The following TET3 variants were observed in gnomAD, a reference collection of about 807,000 sequenced individuals.
TET3 encodes tet methylcytosine dioxygenase 3.
In TET3, 19 loss-of-function variants were observed where a neutral mutation model predicts 141.4. That is an observed-to-expected ratio of 0.13 (90% CI 0.09 to 0.20). The LOEUF (loss-of-function observed/expected upper bound fraction) is 0.20. Among genes scored for constraint, TET3 ranks in the 10% least tolerant of loss-of-function variants. The pLI, the probability that TET3 is intolerant of heterozygous loss-of-function variation, is 1.00. For missense variants in TET3, 1,874 were observed against 2,356.9 expected, an observed-to-expected ratio of 0.80 and a Z score of 4.24; for synonymous variants, 1,043 against 980.9, an observed-to-expected ratio of 1.06 and a Z score of -1.18.
intron 4 of TET3, among the ~76,000 whole-genome samples, chr2:74,051,094 G>C (rs1392449017): frequency 1.3e-5 from 2 of 152,202 alleles, no homozygotes; most frequent in Non-Finnish European, 1.5e-5. Context: ...GAGGCAGAAA[G>C]GCTTTCCAGA....
intron 5 of TET3, among the ~76,000 whole-genome samples, chr2:74,076,170 T>A (rs1340836604): frequency 2.0e-5 from 3 of 152,116 alleles, no homozygotes; most frequent in East Asian, 1.9e-4. Context: ...TTTTTTTTTT[T>A]ACCCCCTGAT....
chr2:73,996,289 GAGGTATTGGA>G (rs1684592896), intron 2 of TET3, among the ~76,000 whole-genome samples: 1 of 152,144 alleles, frequency 6.6e-6, no homozygotes, highest in African/African-American at 2.4e-5. Flanking sequence ...AGGAAGAGAG[GAGGTATTGGA>G]AAGGAAAGAG....
At chr2:74,049,540 A>G (rs1687827625) in intron 4 of TET3, among the ~76,000 whole-genome samples, 1 of 152,098 alleles carries the variant, frequency 6.6e-6, no homozygotes, top group African/African-American at 2.4e-5. Flanking sequence ...TCTGTAAAAG[A>G]TATGTGTGTT....
chr2:74,015,440 C>T (rs980191706), intron 3 of TET3, among the ~76,000 whole-genome samples: 1 of 152,204 alleles, frequency 6.6e-6, no homozygotes, highest in Non-Finnish European at 1.5e-5. Context: ...TCTTTCCAGA[C>T]TTAAAAATGA....
At chr2:74,051,720 T>G (rs1427568695) in intron 4 of TET3, among the ~76,000 whole-genome samples, 2 of 152,162 alleles carry the variant, frequency 1.3e-5, no homozygotes, top group African/African-American at 4.8e-5. Context: ...CTCTATGAGG[T>G]AAATACTGTC....
In TET3 at chr2:74,048,160, C is replaced by T. The variant is rs1211568646; in HGVS notation, c.2243C>T (p.Pro748Leu). 1.2e-6 allele frequency: 2 copies of T among 1,612,504 alleles called. No homozygotes were observed. The highest frequency in any genetic ancestry group is 1.7e-5 in the Admixed American group (1 of 59,838). Reference protein sequence around the residue: ...QQTCLPAPESPFATRSPKQIK... With the variant: ...QQTCLPAPESLFATRSPKQIK... ...ACATGTCTCCCAGCCCCTGAGAGCCCCTTTGCTACCCGTTCCCCCAAGCAA... is the reference window on the plus strand; with the variant it reads ...ACATGTCTCCCAGCCCCTGAGAGCCTCTTTGCTACCCGTTCCCCCAAGCAA... Residue 748 changes from proline (P) to leucine (L), a missense_variant, in exon 4 of 12, where the codon CCC (proline) becomes CTC (leucine). Around this residue, in one of 10 missense-constraint regions of TET3, gnomAD observed 6 missense variants for 16.4 expected, o/e 0.37. Coordinates refer to ENST00000409262, the MANE Select transcript of TET3 (RefSeq NM_001287491.2).
intron 4 of TET3, among the ~76,000 whole-genome samples, chr2:74,071,330 T>C (rs191186775): frequency 6.6e-6 from 1 of 152,374 alleles, no homozygotes; most frequent in African/African-American, 2.4e-5. Context: ...CACAGCAGGC[T>C]GTCTACAGCT....
chr2:74,026,207 G>C (rs576392309), intron 3 of TET3, among the ~76,000 whole-genome samples: 33 of 152,258 alleles, frequency 2.2e-4, no homozygotes, highest in Non-Finnish European at 4.4e-4. Flanking sequence ...CCATCGCTGG[G>C]GGGAGAGAGG....
Position 74,093,686 on chromosome 2 carries a change from T to G in TET3, c.3267+20T>G. The stretch of plus-strand genomic sequence containing the variant: ...ACCGTGGTAAGCCTGTGCCCTGTCA[T>G]AGCCCCACCTGTGGGGCAACTGTGG... On this transcript the variant is annotated intron_variant, in intron 10 of 11. Coordinates refer to ENST00000409262, the MANE Select transcript of TET3 (RefSeq NM_001287491.2). This position sits in a 1 kb window ranked among gnomAD's most constrained non-coding sequence, Gnocchi z 4.2. 1 of 1,558,382 alleles carries G rather than the reference T, an allele frequency of 6.4e-7. No individual in the cohort carries two copies. Among genetic ancestry groups the G allele is most frequent in the Non-Finnish European group, 8.7e-7 (1 of 1,146,208 alleles).
intron 6 of TET3, among the ~76,000 whole-genome samples, chr2:74,081,448 C>T (rs1689818901): frequency 6.6e-6 from 1 of 152,142 alleles, no homozygotes; most frequent in South Asian, 2.1e-4. Flanking sequence ...AGACTGGGGT[C>T]GTTGAGAGGC....
chr2:74,071,235 C>T (rs940251319), intron 4 of TET3, among the ~76,000 whole-genome samples: 1 of 152,182 alleles, frequency 6.6e-6, no homozygotes, highest in African/African-American at 2.4e-5. Context: ...ACCTAATTAC[C>T]TCCCCAAAGC....
rs1427232952 is a variant in TET3, at chr2:74,093,035, C to T, written c.3129+44C>T. 5.3e-6 allele frequency: 8 copies of T among 1,514,894 alleles called. No homozygotes were observed. The East Asian group carries it at 2.0e-4, about 37-fold the overall frequency. The allele number at this position is 1,514,894 out of a possible 1,614,324, so 93.8% of individuals were successfully genotyped here. ...TTTGCTGCCCACATGTCACCGTCCA[C>T]ATCTCTGCTCAGGCTCTGAAGGTGG... On this transcript the variant is annotated intron_variant, in intron 9 of 11. Coordinates refer to ENST00000409262, the MANE Select transcript of TET3 (RefSeq NM_001287491.2). The surrounding 1 kb of genome is among the most constrained non-coding windows in gnomAD (Gnocchi z 4.2).
Position 74,046,905 on chromosome 2 carries a change from C to A in TET3, c.988C>A (p.Gln330Lys). 1 of 1,613,858 alleles carries A rather than the reference C, an allele frequency of 6.2e-7. No individual in the cohort carries two copies. Among genetic ancestry groups the A allele is most frequent in the South Asian group, 1.1e-5 (1 of 91,086 alleles). ...GCCACTCCTCAGCTCAGAGGTGCCC[C>A]AGATCTCTCCCCAAGAGGGCCTGCC... The part of the protein sequence containing the change: ...TRPLLSSEVP[Q>K]ISPQEGLPLS... Residue 330 changes from glutamine to lysine, a missense_variant, in exon 4 of 12, where the codon CAG becomes AAG. Around this residue, in one of 10 missense-constraint regions of TET3, gnomAD observed 366 missense variants for 487.0 expected, o/e 0.75. Coordinates refer to ENST00000409262, the MANE Select transcript of TET3 (RefSeq NM_001287491.2). The surrounding 1 kb of genome is among the most constrained non-coding windows in gnomAD (Gnocchi z 4.3).
chr2:74,098,257 A>C (rs1690962313), intron 10 of TET3, among the ~76,000 whole-genome samples: 1 of 152,208 alleles, frequency 6.6e-6, no homozygotes, highest in Admixed American at 6.5e-5. Context: ...TTTATGGTAT[A>C]AAAAAATTGG....
chr2:73,993,721 A>T (rs1191812147), intron 2 of TET3: 1 of 152,164 alleles, frequency 6.6e-6, no homozygotes, highest in African/African-American at 2.4e-5. Context: ...ACCTATCAAT[A>T]AAACTGATCT....
intron 3 of TET3, among the ~76,000 whole-genome samples, chr2:74,005,358 C>T (rs1685100439): frequency 6.6e-6 from 1 of 152,196 alleles, no homozygotes; most frequent in African/African-American, 2.4e-5. Context: ...TGTATCTATG[C>T]TTGTTTTTAT....
At chr2:74,092,175 C>T (rs1031521243) in intron 8 of TET3, among the ~76,000 whole-genome samples, 3 of 152,104 alleles carry the variant, frequency 2.0e-5, no homozygotes, top group Non-Finnish European at 2.9e-5. Flanking sequence ...GCTGTGGGCA[C>T]CTCTAATCCC....
intron 5 of TET3, among the ~76,000 whole-genome samples, chr2:74,076,441 G>GTTTTTTTTTTT (rs70965785): frequency 8.8e-5 from 5 of 56,584 alleles, no homozygotes; most frequent in East Asian, 7.5e-4. Context: ...ATTCCTCTGG[G>GTTTTTTTTTTT]TTTTTTTTTT....
intron 8 of TET3, among the ~76,000 whole-genome samples, chr2:74,090,464 T>C (rs1690421477): frequency 6.6e-6 from 1 of 152,162 alleles, no homozygotes; most frequent in Non-Finnish European, 1.5e-5. Flanking sequence ...TTGCTGTACT[T>C]CCCAAGGTAT....
Sources: gnomAD v4.1 joint callset for allele counts (sites outside exome capture counted in the v4.1 genomes callset) on GRCh38, gnomAD v4.1.1 for gene constraint, gnomAD v4.1.1 regional missense constraint, Gnocchi (gnomAD v3.1) non-coding constraint, MANE v1.5 for transcripts, NCBI Gene and HGNC (gene_info 2026-07-23, HGNC 2026-07-21) for gene names.